TOX2: variants seen among roughly 807,000 people sequenced by gnomAD.
The protein encoded by TOX2 is granulosa cell HMG box 1.
TOX2 carries 15 observed loss-of-function variants against 47.4 expected under a neutral mutation model. The observed-to-expected ratio is 0.32, with a 90% CI of 0.21 to 0.49. The LOEUF is 0.49. TOX2 is among the 20% of genes least tolerant of loss of function. The pLI is 0.99. For missense variants in TOX2, 622 were observed against 673.1 expected (o/e 0.92, Z 0.84); for synonymous variants, 290 against 296.6 (o/e 0.98, Z 0.23).
chr20:43,951,308 C>T (rs1317060950), intron 1 of TOX2, among the ~76,000 whole-genome samples: 1 of 152,186 alleles, frequency 6.6e-6, no homozygotes, highest in African/African-American at 2.4e-5. Flanking sequence ...GGTGTGGTGG[C>T]TCACGCTTGT....
At chr20:44,028,904 C>T (rs2071106026) in intron 3 of TOX2, among the ~76,000 whole-genome samples, 1 of 152,184 alleles carries the variant, frequency 6.6e-6, no homozygotes, top group Non-Finnish European at 1.5e-5. Flanking sequence ...TGACATCTGC[C>T]CCATGTGCCT....
chr20:44,043,096 C>T (rs566170426), intron 3 of TOX2, among the ~76,000 whole-genome samples: 2 of 152,204 alleles, frequency 1.3e-5, no homozygotes, highest in Non-Finnish European at 2.9e-5. Context: ...GCGGGGCATC[C>T]GAGGGAAGAT....
In TOX2 at chr20:43,916,986, C is replaced by G. The variant is rs1407515502; in HGVS notation, c.99+1996C>G. ...CGTCAGGGAGGGAATGAGAAGCCGG[C>G]GATTCTGGTTTCTTTCTGTGTGGGA... On this transcript the variant is annotated intron_variant, in intron 1 of 8. Coordinates refer to ENST00000341197, the MANE Select transcript of TOX2 (RefSeq NM_001098797.2). This position sits in a 1 kb window ranked among gnomAD's most constrained non-coding sequence, Gnocchi z 5.0. 6.6e-6 allele frequency among the ~76,000 whole-genome samples: 1 copy of G among 151,808 alleles called. No homozygotes were observed. Among genetic ancestry groups the G allele is most frequent in the Non-Finnish European group, 1.5e-5 (1 of 67,982 alleles).
intron 1 of TOX2, among the ~76,000 whole-genome samples, chr20:43,959,021 C>T (rs972865622): frequency 2.0e-5 from 3 of 152,236 alleles, no homozygotes; most frequent in African/African-American, 7.2e-5. Context: ...CCCCACTGCC[C>T]TCCTGGGTCT....
chr20:43,928,579 G>A (rs2069208062), intron 1 of TOX2, among the ~76,000 whole-genome samples: 2 of 152,194 alleles, frequency 1.3e-5, no homozygotes, highest in Admixed American at 6.5e-5. Context: ...AGCAAGTCAC[G>A]GCCTGTCGAG....
intron 3 of TOX2, among the ~76,000 whole-genome samples, chr20:44,010,814 A>G (rs2070766452): frequency 1.3e-5 from 2 of 152,212 alleles, no homozygotes; most frequent in African/African-American, 2.4e-5. Flanking sequence ...TTAGTGTCTC[A>G]TGGCTGTTCC....
At chr20:43,989,482 A>G (rs999948732) in intron 2 of TOX2, among the ~76,000 whole-genome samples, 1 of 152,080 alleles carries the variant, frequency 6.6e-6, no homozygotes, top group Admixed American at 6.6e-5. Context: ...TTAATTTTAA[A>G]AACAGCATAT....
intron 3 of TOX2, among the ~76,000 whole-genome samples, chr20:44,007,806 A>G (rs544480491): frequency 2.6e-5 from 4 of 152,264 alleles, no homozygotes; most frequent in African/African-American, 9.6e-5. Flanking sequence ...CCCTTTCTCA[A>G]AAAAACAACA....
rs200815704 is a variant in TOX2 at position 44,064,848 on chromosome 20, C to T, written c.951C>T (p.Leu317=). The change falls in exon 6 of 9, where the codon CTC becomes CTT. Residue 317 remains leucine (L), a synonymous_variant. Coordinates refer to ENST00000341197, the MANE Select transcript of TOX2 (RefSeq NM_001098797.2). The part of the protein sequence containing the change: ...LKALAAYRAS[L]VSKSSPDQGE... ...CCCTGGCAGCCTACCGGGCTAGCCT[C>T]GTCTCCAAGGTAACACCCGGAATCT... The T allele has an allele frequency of 2.0e-5, 32 of 1,614,076 alleles. No homozygotes were observed. Among genetic ancestry groups the T allele is most frequent in the Admixed American group, 8.3e-5 (5 of 60,026 alleles).
intron 1 of TOX2, among the ~76,000 whole-genome samples, chr20:43,953,099 A>T (rs2069608584): frequency 6.6e-6 from 1 of 152,168 alleles, no homozygotes; most frequent in Non-Finnish European, 1.5e-5. Context: ...GAACACAAGC[A>T]GCCACTAGAC....
intron 3 of TOX2, among the ~76,000 whole-genome samples, chr20:44,019,022 A>C (rs965016491): frequency 2.6e-5 from 4 of 152,196 alleles, no homozygotes; most frequent in Admixed American, 2.6e-4. Context: ...CGTGCCAATG[A>C]ATATTTCTGA....
At chr20:44,032,971 A>G (rs1367829534) in intron 3 of TOX2, among the ~76,000 whole-genome samples, 1 of 152,216 alleles carries the variant, frequency 6.6e-6, no homozygotes, top group Admixed American at 6.5e-5. Context: ...TAAAACTGTG[A>G]TGGCACTTGG....
intron 3 of TOX2, among the ~76,000 whole-genome samples, chr20:44,032,646 G>A (rs1285440031): frequency 6.6e-6 from 1 of 152,132 alleles, no homozygotes; most frequent in African/African-American, 2.4e-5. Context: ...ATAGTAGGGA[G>A]CTGGAGCTGG....
intron 4 of TOX2, among the ~76,000 whole-genome samples, chr20:44,053,149 C>T (rs909413806): frequency 6.6e-6 from 1 of 152,204 alleles, no homozygotes; most frequent in Non-Finnish European, 1.5e-5. Context: ...AGTGACCCAA[C>T]AGAGACCCAC....
chr20:44,064,048 T>C (rs1305775797), intron 5 of TOX2, among the ~76,000 whole-genome samples: 21 of 152,170 alleles, frequency 1.4e-4, no homozygotes, highest in Non-Finnish European at 1.3e-4. Flanking sequence ...TCAGGTACAG[T>C]GTACACTGCT....
At chr20:43,920,105 T>A (rs924496141) in intron 1 of TOX2, among the ~76,000 whole-genome samples, 3 of 152,158 alleles carry the variant, frequency 2.0e-5, no homozygotes, top group East Asian at 3.9e-4. Context: ...TGTGTAGCAG[T>A]TGTTTGGTTG....
intron 2 of TOX2, among the ~76,000 whole-genome samples, chr20:43,986,820 C>T (rs765103021): frequency 1.3e-5 from 2 of 152,106 alleles, no homozygotes; most frequent in African/African-American, 2.4e-5. Context: ...AATCCTAGCA[C>T]TTTGGGAGTC....
chr20:43,975,550 C>G (rs2145484711), intron 2 of TOX2, among the ~76,000 whole-genome samples: 1 of 152,284 alleles, frequency 6.6e-6, no homozygotes, highest in Non-Finnish European at 1.5e-5. Flanking sequence ...GAAGCTCAGA[C>G]TCGGAGCTCC....
intron 1 of TOX2, among the ~76,000 whole-genome samples, chr20:43,945,182 C>A (rs6031252): frequency 0.14 from 21,548 of 152,130 alleles, 3,826 homozygotes; most frequent in African/African-American, 0.41. Context: ...AAAAAGCAGC[C>A]ACTGAAAATA....
Sources: allele counts gnomAD v4.1 joint callset (sites outside exome capture counted in the v4.1 genomes callset), GRCh38; gene constraint gnomAD v4.1.1; non-coding constraint Gnocchi (gnomAD v3.1); transcripts MANE v1.5; gene names NCBI Gene and HGNC (gene_info 2026-07-23, HGNC 2026-07-21).